The following TSBP1 variants were observed in gnomAD, a reference collection of about 807,000 sequenced individuals.
TSBP1 encodes testis-expressed basic protein 1.
Under a neutral mutation model 68.8 loss-of-function variants are expected in TSBP1, and 56 were observed. The observed-to-expected ratio is 0.81, with a 90% CI of 0.66 to 1.02. The LOEUF (loss-of-function observed/expected upper bound fraction) is 1.02, where lower values mean the gene tolerates loss of function less well. TSBP1 is among the 50% of genes least tolerant of loss of function. The pLI is 0.00. For missense variants in TSBP1, 502 were observed against 641.2 expected (o/e 0.78, Z 2.34); for synonymous variants, 171 against 208.7 (o/e 0.82, Z 1.56).
intron 19 of TSBP1, among the ~76,000 whole-genome samples, chr6:32,309,840 T>G (rs1417691984): frequency 1.3e-5 from 2 of 152,226 alleles, no homozygotes; most frequent in Non-Finnish European, 2.9e-5. Context: ...ATATTAGATC[T>G]TATCCATTCT....
chr6:32,293,856 C>G (rs2127554505), exon 23 of TSBP1: 1 of 1,612,994 alleles, frequency 6.2e-7, no homozygotes. Flanking sequence ...CTTTCTGGCT[C>G]CTTTATGTGT....
chr6:32,293,399 T>A, exon 23 of TSBP1: 1 of 1,612,970 alleles, frequency 6.2e-7, no homozygotes, highest in Non-Finnish European at 8.5e-7. Flanking sequence ...TACTTGGCCT[T>A]CTTGTCCTTT....
Position 32,371,093 on chromosome 6 carries a change from C to T in TSBP1, c.13+601G>A, listed in dbSNP as rs537313368. Reference sequence around the variant, plus strand: ...AGGTGTTTGGTCCTGTGAGAAAATTCTCCTGCCAAATCAACTTTTGGAGAT... The same window carrying T: ...AGGTGTTTGGTCCTGTGAGAAAATTTTCCTGCCAAATCAACTTTTGGAGAT... On this transcript the variant is annotated intron_variant, in intron 1 of 22. Coordinates refer to ENST00000612031, the Ensembl canonical transcript of TSBP1. Among the ~76,000 whole-genome samples, 62 of 140,994 alleles carry T rather than the reference C, an allele frequency of 4.4e-4. 1 individual carries two copies. The South Asian group carries it at 0.011, about 24-fold the overall frequency. 92.5% of individuals were successfully genotyped at this position (140,994 alleles called of 152,430 possible).
Position 32,339,308 on chromosome 6 carries a change from C to T in TSBP1, c.388+292G>A, listed in dbSNP as rs1007701917. On this transcript the variant is annotated intron_variant, in intron 10 of 22. Transcript: ENST00000612031. ...ATCTAGTTTTTATTATAAGAATTTC[C>T]ACTTTGTTAAATGAAAAAATTAATC... 3 of 534,876 alleles carry T rather than the reference C, an allele frequency of 5.6e-6. No individual in the cohort carries two copies. The African/African-American group carries it at 5.7e-5, about 10-fold the overall frequency. 33.1% of individuals were successfully genotyped at this position (534,876 alleles called of 1,614,324 possible).
intron 18 of TSBP1, among the ~76,000 whole-genome samples, chr6:32,319,108 C>A (rs1158290119): frequency 6.6e-6 from 1 of 152,176 alleles, no homozygotes; most frequent in Non-Finnish European, 1.5e-5. Context: ...ACTGAACTCA[C>A]AATAGCATCC....
chr6:32,369,797 TCTAG>T, intron 2 of TSBP1, 96 bp downstream of exon 2: 1 of 817,852 alleles, frequency 1.2e-6, no homozygotes, highest in Non-Finnish European at 2.2e-6. Flanking sequence ...TGGCAAAGTC[TCTAG>T]CTGTTTGATG....
At chr6:32,305,012 G>A (rs1199459185) in intron 19 of TSBP1, among the ~76,000 whole-genome samples, 3 of 152,016 alleles carry the variant, frequency 2.0e-5, no homozygotes, top group Admixed American at 6.6e-5. Context: ...TCTCGCTAAC[G>A]CAGGCCTCCA....
In TSBP1 at chr6:32,343,281, CA is replaced by C; in HGVS notation, c.350-3644del. ...AAGCTAAAGAACAATAACAATTATT[CA>C]AGTCAGTCTAAAGTTTCAATAATCC... On this transcript the variant is annotated intron_variant, in intron 9 of 22. Transcript: ENST00000612031. The surrounding 1 kb of genome is among the most constrained non-coding windows in gnomAD (Gnocchi z 4.3). 1.5e-6 allele frequency: 2 copies of C among 1,354,912 alleles called. No homozygotes were observed. The highest frequency in any genetic ancestry group is 1.9e-6 in the Non-Finnish European group (2 of 1,039,036). 83.9% of individuals were successfully genotyped at this position (1,354,912 alleles called of 1,614,324 possible).
At chr6:32,367,817 C>G (rs180918151) in intron 4 of TSBP1, 108 bp downstream of exon 4, 1 of 790,490 alleles carries the variant, frequency 1.3e-6, no homozygotes. Flanking sequence ...ATTATAAAAA[C>G]GAAAGATATG....
Position 32,316,517 on chromosome 6 carries a change from GGATGACAATGGCTAATTCTCT to G in TSBP1, c.560-746_560-726del. 1 of 838,898 alleles carries G rather than the reference GGATGACAATGGCTAATTCTCT, an allele frequency of 1.2e-6. No individual in the cohort carries two copies. The highest frequency in any genetic ancestry group is 1.9e-6 in the Non-Finnish European group (1 of 519,070). The allele number at this position is 838,898 out of a possible 1,614,324, so 52.0% of individuals were successfully genotyped here. A position where few individuals can be genotyped will look rare whatever the true frequency, so the allele number is the denominator to read the frequency against. On this transcript the variant is annotated intron_variant, in intron 18 of 22. Transcript: ENST00000612031. The surrounding 1 kb of genome is among the most constrained non-coding windows in gnomAD (Gnocchi z 4.5). ...AGAATCTTGGTAGTCACACAGCTCT[GGATGACAATGGCTAATTCTCT>G]GTTAAAAGCTCCAATTCTTTATGAC...
chr6:32,349,108 TATGAAA>T (rs1771393300), intron 9 of TSBP1, among the ~76,000 whole-genome samples: 1 of 151,990 alleles, frequency 6.6e-6, no homozygotes, highest in African/African-American at 2.4e-5. Flanking sequence ...AATTTGGAAA[TATGAAA>T]TTTCCCTCCT....
At chr6:32,307,159 C>T (rs1765850748) in intron 19 of TSBP1, among the ~76,000 whole-genome samples, 1 of 151,952 alleles carries the variant, frequency 6.6e-6, no homozygotes, top group Admixed American at 6.6e-5. Flanking sequence ...TTTAGTTCAT[C>T]AATTTTTATT....
intron 16 of TSBP1, among the ~76,000 whole-genome samples, chr6:32,327,783 G>A (rs1298899848): frequency 2.8e-5 from 4 of 143,550 alleles, no homozygotes; most frequent in Non-Finnish European, 6.1e-5. Context: ...CACGAAGTCT[G>A]GCTCATTTTT....
rs985136321 is a variant in TSBP1 at position 32,361,093 on chromosome 6, T to C, written c.217+5074A>G. Among the ~76,000 whole-genome samples the C allele has an allele frequency of 4.6e-5, 7 of 152,248 alleles. No individual in the cohort carries two copies. The highest frequency in any genetic ancestry group is 1.7e-4 in the African/African-American group (7 of 41,550). On this transcript the variant is annotated intron_variant, in intron 6 of 22. Transcript: ENST00000612031. This position sits in a 1 kb window ranked among gnomAD's most constrained non-coding sequence, Gnocchi z 4.3. ...CCCACCCTGTGTCCAAGTGTTCTCA[T>C]TGTTCAGTTCCCACCTATGAGTGAG... is the stretch of plus-strand genomic sequence containing the variant.
At chr6:32,369,735 T>G (rs1774176972) in intron 2 of TSBP1, among the ~76,000 whole-genome samples, 162 bp downstream of exon 2, 1 of 152,218 alleles carries the variant, frequency 6.6e-6, no homozygotes, top group African/African-American at 2.4e-5. Flanking sequence ...GGACAATCAC[T>G]AATAGGTCAG....
At chr6:32,352,778 T>C (rs931321771) in intron 8 of TSBP1, 1 of 151,794 alleles carries the variant, frequency 6.6e-6, no homozygotes, top group African/African-American at 2.4e-5. Flanking sequence ...GAGTGTAGAA[T>C]TGAAGTAAAA....
In TSBP1 at chr6:32,294,043, T is replaced by C. The variant is rs1764448941; in HGVS notation, c.638-8A>G. 10 of 1,605,402 alleles carry C rather than the reference T, an allele frequency of 6.2e-6. No homozygotes were observed. Among genetic ancestry groups the C allele is most frequent in the Non-Finnish European group, 8.5e-6 (10 of 1,178,768 alleles). On this transcript the variant is annotated splice_region_variant and splice_polypyrimidine_tract_variant and intron_variant, in intron 22 of 22. Coordinates refer to ENST00000612031, the Ensembl canonical transcript of TSBP1. ...TGTAACCTGTTAATATAACTGAGCA[T>C]ACAACAAAAGGGCGTGATTTAGATA...
At chr6:32,296,605 G>A (rs968182239) in intron 22 of TSBP1, among the ~76,000 whole-genome samples, 1 of 152,160 alleles carries the variant, frequency 6.6e-6, no homozygotes, top group Non-Finnish European at 1.5e-5. Flanking sequence ...TTGTTTAGGG[G>A]TATGGTGGTG....
rs1431626249 is a variant in TSBP1 at position 32,340,853 on chromosome 6, T to G, written c.350-1215A>C. 1.3e-5 allele frequency among the ~76,000 whole-genome samples: 2 copies of G among 152,080 alleles called. No individual in the cohort carries two copies. The highest frequency in any genetic ancestry group is 4.8e-5 in the African/African-American group (2 of 41,416). On this transcript the variant is annotated intron_variant, in intron 9 of 22. Transcript: ENST00000612031. The surrounding 1 kb of genome is among the most constrained non-coding windows in gnomAD (Gnocchi z 4.8). ...CTCTGTCACCCAGACTGGAGTGCAG[T>G]GGCACAGTCTCGGCTCACTGCAACC...
Sources: allele counts gnomAD v4.1 joint callset (sites outside exome capture counted in the v4.1 genomes callset), GRCh38; gene constraint gnomAD v4.1.1; non-coding constraint Gnocchi (gnomAD v3.1); transcripts MANE v1.5; gene names NCBI Gene and HGNC (gene_info 2026-07-23, HGNC 2026-07-21).